Variants in MDGA1 observed in about 807,000 individuals in gnomAD.
The protein encoded by MDGA1 is MAM domain containing glycosylphosphatidylinositol anchor 1.
A neutral mutation model predicts 101.5 loss-of-function variants in MDGA1; 54 were observed. The ratio of observed to expected loss-of-function variants is 0.53; its 90% confidence interval spans 0.43 to 0.67. MDGA1 has a LOEUF of 0.67. Ranked by LOEUF, MDGA1 falls within the 30% of genes least tolerant of loss-of-function variation. The pLI is 0.00. For synonymous variants in MDGA1, 533 were observed against 558.3 expected (o/e 0.95, Z 0.64); for missense variants, 1,083 against 1,323.8 (o/e 0.82, Z 2.82).
chr6:37,655,935 AC>A lies in MDGA1; in HGVS notation c.383-40del. Reference sequence around the variant, plus strand: ...GCCCCCATGGAGTCAGGACTGGGTGACCCCAAGGTTGGGGGGCTCAGGCTCC... The same window carrying A: ...GCCCCCATGGAGTCAGGACTGGGTGACCCAAGGTTGGGGGGCTCAGGCTCC... On this transcript the variant is annotated intron_variant, in intron 3 of 16. Transcript: ENST00000434837. This position sits in a 1 kb window ranked among gnomAD's most constrained non-coding sequence, Gnocchi z 5.1. The A allele has an allele frequency of 1.3e-6, 2 of 1,554,764 alleles. No homozygotes were observed. The highest frequency in any genetic ancestry group is 1.7e-6 in the Non-Finnish European group (2 of 1,148,174).
At position 37,639,505 on chromosome 6, in the gene MDGA1, G is replaced by C. The variant is rs545617221; in HGVS notation, c.2537-838C>G. 3.9e-5 allele frequency: 6 copies of C among 152,384 alleles called. No homozygotes were observed. In the East Asian group the frequency reaches 1.2e-3, roughly 29 times the overall value. 9.4% of individuals were successfully genotyped at this position (152,384 alleles called of 1,614,324 possible). On this transcript the variant is annotated intron_variant, in intron 14 of 16. Transcript: ENST00000434837. Reference sequence around the variant, plus strand: ...GTCCTTCTCCTGGCCTTCCACACCTGATCTGGGCGCTGTCAGCTTCTCTGA... The same window carrying C: ...GTCCTTCTCCTGGCCTTCCACACCTCATCTGGGCGCTGTCAGCTTCTCTGA...
chr6:37,663,541 A>G (rs565675742), intron 2 of MDGA1, among the ~76,000 whole-genome samples: 1 of 152,336 alleles, frequency 6.6e-6, no homozygotes, highest in Admixed American at 6.5e-5. Flanking sequence ...ACTGAGTCGC[A>G]AATTCCTCAG....
intron 3 of MDGA1, among the ~76,000 whole-genome samples, chr6:37,656,394 A>G (rs1236371664): frequency 6.8e-6 from 1 of 146,602 alleles, no homozygotes; most frequent in East Asian, 2.0e-4. Flanking sequence ...TTTTTTTGAG[A>G]CAGAGTCTCA....
chr6:37,664,329 T>G, intron 1 of MDGA1: 1 of 547,470 alleles, frequency 1.8e-6, no homozygotes, highest in Non-Finnish European at 3.3e-6. Context: ...CCCAACCCCT[T>G]GCAAGAGAGC....
At chr6:37,643,981 A>C (rs1228085583) in intron 13 of MDGA1, 38 bp from the exon 14 acceptor site, 2 of 1,609,698 alleles carry the variant, frequency 1.2e-6, no homozygotes, top group Non-Finnish European at 1.7e-6. Context: ...AGCCCCCAAG[A>C]CAGCCAGGCC....
chr6:37,693,215 G>A (rs1205678584), intron 1 of MDGA1, among the ~76,000 whole-genome samples: 2 of 152,164 alleles, frequency 1.3e-5, no homozygotes, highest in Non-Finnish European at 2.9e-5. Context: ...AAGGCATGGG[G>A]TAGGAACTCC....
chr6:37,656,089 T>C (rs1761481084), intron 3 of MDGA1, among the ~76,000 whole-genome samples, 193 bp from the exon 4 acceptor site: 1 of 151,224 alleles, frequency 6.6e-6, no homozygotes, highest in African/African-American at 2.4e-5. Context: ...TTTTTTTTTT[T>C]TTCTTTTGAG....
intron 2 of MDGA1, among the ~76,000 whole-genome samples, chr6:37,661,094 A>G (rs1021596628): frequency 1.3e-5 from 2 of 152,218 alleles, no homozygotes; most frequent in African/African-American, 2.4e-5. Flanking sequence ...GCTGTGGGAC[A>G]GAGATCTTCT....
intron 2 of MDGA1, among the ~76,000 whole-genome samples, chr6:37,659,374 A>C (rs1008778432): frequency 6.6e-6 from 1 of 152,206 alleles, no homozygotes; most frequent in African/African-American, 2.4e-5. Context: ...AAGTATATAA[A>C]TCCCCTATGT....
intron 1 of MDGA1, among the ~76,000 whole-genome samples, chr6:37,689,402 G>A (rs1212904928): frequency 6.6e-6 from 1 of 152,184 alleles, no homozygotes; most frequent in Non-Finnish European, 1.5e-5. Flanking sequence ...AGACATGCCA[G>A]TGCCAGAATC....
rs1392559373 is a variant in MDGA1, at chr6:37,655,265, G to T, written c.580-333C>A. The T allele has an allele frequency of 2.6e-6, 1 of 383,718 alleles. No homozygotes were observed. Among genetic ancestry groups the T allele is most frequent in the Non-Finnish European group, 4.7e-6 (1 of 212,514 alleles). The allele number at this position is 383,718 out of a possible 1,614,324, so 23.8% of individuals were successfully genotyped here. A position where few individuals can be genotyped will look rare whatever the true frequency, so the allele number is the denominator to read the frequency against. ...GTACAACCCACACAAACATGGGGCT[G>T]GCCTGCAGCCACCGCTGAAAGCCCT... is the stretch of plus-strand genomic sequence containing the variant. On this transcript the variant is annotated intron_variant, in intron 4 of 16. Transcript: ENST00000434837. The surrounding 1 kb of genome is among the most constrained non-coding windows in gnomAD (Gnocchi z 5.1).
At chr6:37,641,104 C>T (rs1371306008) in intron 14 of MDGA1, among the ~76,000 whole-genome samples, 1 of 152,196 alleles carries the variant, frequency 6.6e-6, no homozygotes, top group Non-Finnish European at 1.5e-5. Context: ...TCCCACTCTG[C>T]CTGGCAGCTC....
chr6:37,653,763 G>A (rs1293613867), intron 6 of MDGA1, among the ~76,000 whole-genome samples: 1 of 152,094 alleles, frequency 6.6e-6, no homozygotes, highest in Admixed American at 6.5e-5. Flanking sequence ...TGTGCTCAAA[G>A]TTTTGTATCA....
At chr6:37,664,664 C>A (rs1235886309) in intron 1 of MDGA1, among the ~76,000 whole-genome samples, 3 of 144,206 alleles carry the variant, frequency 2.1e-5, no homozygotes, top group Non-Finnish European at 4.5e-5. Context: ...CACTGTCATA[C>A]TCCAGAGCTC....
chr6:37,681,183 A>T (rs1278891470), intron 1 of MDGA1, among the ~76,000 whole-genome samples: 1 of 152,170 alleles, frequency 6.6e-6, no homozygotes, highest in East Asian at 1.9e-4. Context: ...ATTGCTACGG[A>T]TTCCTCCCTG....
chr6:37,664,906 C>CACACACA (rs1761712840), intron 1 of MDGA1, among the ~76,000 whole-genome samples: 2 of 147,586 alleles, frequency 1.4e-5, no homozygotes, highest in African/African-American at 2.5e-5. Flanking sequence ...CACACACACA[C>CACACACA]GGCTGCACAT....
chr6:37,661,048 C>G (rs1029110775), intron 2 of MDGA1, among the ~76,000 whole-genome samples: 1 of 152,186 alleles, frequency 6.6e-6, no homozygotes, highest in Non-Finnish European at 1.5e-5. Flanking sequence ...TTTATCCACA[C>G]CCTGAAGGAC....
In MDGA1 at chr6:37,652,243, A is replaced by C; in HGVS notation, c.1080T>G (p.Asp360Glu). The change falls in exon 7 of 17, where the codon GAT becomes GAG. Residue 360 changes from aspartate to glutamate, a missense_variant. Transcript: ENST00000434837. This position sits in a 1 kb window ranked among gnomAD's most constrained non-coding sequence, Gnocchi z 4.3. ...GQDLKLSCHV[D>E]AVPQEKVTYQ... The stretch of plus-strand genomic sequence containing the variant: ...AGGTCACCTTCTCCTGGGGCACTGC[A>C]TCCACGTGGCACGATAGCTTCAGGT... The C allele has an allele frequency of 6.2e-7, 1 of 1,614,022 alleles. No homozygotes were observed. The highest frequency in any genetic ancestry group is 1.1e-5 in the South Asian group (1 of 91,082).
Position 37,647,326 on chromosome 6 carries a change from T to C in MDGA1, c.1895-2A>G. 6.5e-7 allele frequency: 1 copy of C among 1,532,618 alleles called. No homozygotes were observed. Among genetic ancestry groups the C allele is most frequent in the Non-Finnish European group, 8.8e-7 (1 of 1,135,810 alleles). The allele number at this position is 1,532,618 out of a possible 1,614,324, so 94.9% of individuals were successfully genotyped here. A position where few individuals can be genotyped will look rare whatever the true frequency, so the allele number is the denominator to read the frequency against. On this transcript the variant is annotated splice_acceptor_variant, in intron 9 of 16. Coordinates refer to ENST00000434837, the MANE Select transcript of MDGA1 (RefSeq NM_153487.4). LOFTEE classifies it high-confidence loss of function. ...AAAACTCCGGGCTGTAGGCTTTGGCTAAGAGGGCGGGGAGGGGGGCATTGG... is the reference window on the plus strand; with the variant it reads ...AAAACTCCGGGCTGTAGGCTTTGGCCAAGAGGGCGGGGAGGGGGGCATTGG...
Sources: allele counts gnomAD v4.1 joint callset (sites outside exome capture counted in the v4.1 genomes callset), GRCh38; gene constraint gnomAD v4.1.1; non-coding constraint Gnocchi (gnomAD v3.1); transcripts MANE v1.5; gene names NCBI Gene and HGNC (gene_info 2026-07-23, HGNC 2026-07-21).